Variants in PPP2R2B observed in about 807,000 individuals in gnomAD.
The protein encoded by PPP2R2B is serine/threonine-protein phosphatase 2A 55 kDa regulatory subunit B beta isoform.
A neutral mutation model predicts 46.0 loss-of-function variants in PPP2R2B; 5 were observed. The observed-to-expected ratio is 0.11, with a 90% CI of 0.06 to 0.23. The LOEUF (loss-of-function observed/expected upper bound fraction) is 0.23, where lower values mean the gene tolerates loss of function less well. Ranked by LOEUF, PPP2R2B falls within the 10% of genes least tolerant of loss-of-function variation. The pLI is 1.00. For synonymous variants in PPP2R2B, 215 were observed against 206.7 expected (o/e 1.04, Z -0.34); for missense variants, 367 against 575.0 (o/e 0.64, Z 3.70).
chr5:146,774,158 G>A (rs1405851864), intron 2 of PPP2R2B, among the ~76,000 whole-genome samples: 1 of 152,112 alleles, frequency 6.6e-6, no homozygotes, highest in Non-Finnish European at 1.5e-5. Flanking sequence ...TAACTGCTTT[G>A]TGTTTTAGTT....
intron 1 of PPP2R2B, among the ~76,000 whole-genome samples, chr5:147,005,553 C>T (rs182197997): frequency 1.5e-4 from 23 of 152,070 alleles, no homozygotes; most frequent in East Asian, 1.4e-3. Flanking sequence ...TTGCAAAAAC[C>T]CAAGGAGGTG....
intron 1 of PPP2R2B, among the ~76,000 whole-genome samples, chr5:146,955,825 C>T (rs1751873604): frequency 7.0e-6 from 1 of 142,702 alleles, no homozygotes; most frequent in Non-Finnish European, 1.5e-5. Context: ...GTCACCCAGG[C>T]AGGAGTGCAG....
At chr5:146,764,372 G>A (rs1370079325) in intron 2 of PPP2R2B, among the ~76,000 whole-genome samples, 11 of 152,210 alleles carry the variant, frequency 7.2e-5, no homozygotes, top group African/African-American at 2.7e-4. Context: ...TGGAATGAAA[G>A]TTATTATTTC....
chr5:146,854,227 A>T (rs2446369), intron 2 of PPP2R2B, among the ~76,000 whole-genome samples: 73,232 of 151,922 alleles, frequency 0.48, 19,266 homozygotes, highest in East Asian at 0.72. Flanking sequence ...GAGCCCTACA[A>T]GGCTTCATGT....
chr5:146,958,763 T>C (rs1173044927), intron 1 of PPP2R2B, among the ~76,000 whole-genome samples: 2 of 152,232 alleles, frequency 1.3e-5, no homozygotes, highest in Non-Finnish European at 2.9e-5. Flanking sequence ...CTGCCCTCTT[T>C]CCTTCAGATC....
chr5:146,777,742 A>G (rs915512290), intron 2 of PPP2R2B, among the ~76,000 whole-genome samples: 1 of 152,192 alleles, frequency 6.6e-6, no homozygotes, highest in Non-Finnish European at 1.5e-5. Flanking sequence ...TCTATGCACA[A>G]TTGAGAAAAG....
upstream of PPP2R2B, among the ~76,000 whole-genome samples, chr5:146,880,450 T>C (rs1487650547): frequency 6.6e-6 from 1 of 152,192 alleles, no homozygotes; most frequent in East Asian, 1.9e-4. Flanking sequence ...CTTTTGTAGT[T>C]ACACATTGCA....
chr5:146,794,799 T>C (rs1756420915), intron 2 of PPP2R2B, among the ~76,000 whole-genome samples: 1 of 152,204 alleles, frequency 6.6e-6, no homozygotes, highest in Non-Finnish European at 1.5e-5. Flanking sequence ...TTTAGTGATA[T>C]GACTAATCAT....
rs1491406263 is a variant in PPP2R2B at position 146,903,392 on chromosome 5, T to TC, written c.79+152272_79+152273insG. ...TCTTTTCTTTCTTGCTTTCTTTCTCTTTTTTTTTTTTTTTTTTTTTAGAGA... is the reference window on the plus strand; with the variant it reads ...TCTTTTCTTTCTTGCTTTCTTTCTCTCTTTTTTTTTTTTTTTTTTTTAGAGA... On this transcript the variant is annotated intron_variant, in intron 1 of 8. Transcript: ENST00000336640. Among the ~76,000 whole-genome samples the TC allele has an allele frequency of 6.5e-3, 255 of 39,262 alleles. 1 individual carries two copies. The highest frequency in any genetic ancestry group is 0.054 in the African/African-American group (241 of 4,472). The allele number at this position is 39,262 out of a possible 152,430, so 25.8% of individuals were successfully genotyped here.
At chr5:146,991,629 A>G (rs1753702892) in intron 1 of PPP2R2B, among the ~76,000 whole-genome samples, 1 of 152,172 alleles carries the variant, frequency 6.6e-6, no homozygotes, top group African/African-American at 2.4e-5. Context: ...TGGATATAAT[A>G]CTTTACACCA....
intron 1 of PPP2R2B, among the ~76,000 whole-genome samples, chr5:146,924,984 A>G (rs186612145): frequency 1.3e-5 from 2 of 152,258 alleles, no homozygotes; most frequent in East Asian, 1.9e-4. Context: ...TTAATGTATC[A>G]TGATCTTCTT....
intron 2 of PPP2R2B, among the ~76,000 whole-genome samples, chr5:146,710,026 C>T (rs1279181657): frequency 6.6e-6 from 1 of 152,186 alleles, no homozygotes; most frequent in Non-Finnish European, 1.5e-5. Context: ...TACTCTACCA[C>T]ACAACCAATT....
chr5:146,885,371 C>A (rs1762289203), intron 1 of PPP2R2B, among the ~76,000 whole-genome samples: 1 of 152,158 alleles, frequency 6.6e-6, no homozygotes, highest in Non-Finnish European at 1.5e-5. Flanking sequence ...GTTTAGGTCA[C>A]AACAGAATCA....
At chr5:146,840,247 A>T (rs2151368146) in intron 2 of PPP2R2B, among the ~76,000 whole-genome samples, 1 of 149,728 alleles carries the variant, frequency 6.7e-6, no homozygotes, top group African/African-American at 2.4e-5. Flanking sequence ...CAAACATTTA[A>T]TTGAGTGACT....
intron 1 of PPP2R2B, among the ~76,000 whole-genome samples, chr5:146,962,814 G>A (rs998006867): frequency 2.0e-5 from 3 of 152,120 alleles, no homozygotes; most frequent in African/African-American, 7.2e-5. Context: ...TAGTGGCAGA[G>A]CTGGGACTCT....
chr5:147,014,135 A>G (rs1754879106), intron 1 of PPP2R2B, among the ~76,000 whole-genome samples: 1 of 127,614 alleles, frequency 7.8e-6, no homozygotes, highest in East Asian at 2.2e-4. Flanking sequence ...ACATGAAAAA[A>G]TGCTCATCAT....
chr5:146,836,145 G>A (rs160971), intron 2 of PPP2R2B, among the ~76,000 whole-genome samples: 19,064 of 152,130 alleles, frequency 0.13, 1,367 homozygotes, highest in African/African-American at 0.19. Context: ...GGTCTTCAGA[G>A]TAATTCTGCC....
rs879857110 is a variant in PPP2R2B at position 147,029,884 on chromosome 5, AG to A, written c.79+25780del. Among the ~76,000 whole-genome samples the A allele has an allele frequency of 3.4e-3, 517 of 152,340 alleles. 1 individual carries two copies. Among genetic ancestry groups the A allele is most frequent in the Admixed American group, 5.2e-3 (80 of 15,302 alleles). ...TAAGAAAATCAATCTCTATTGTTGA[AG>A]CTACCCAGTCTCTGATATTCTGTTA... On this transcript the variant is annotated intron_variant, in intron 1 of 8. Transcript: ENST00000336640.
At chr5:146,887,241 A>G (rs1293124060) in intron 1 of PPP2R2B, among the ~76,000 whole-genome samples, 1 of 152,068 alleles carries the variant, frequency 6.6e-6, no homozygotes, top group African/African-American at 2.4e-5. Context: ...ACACTAAAAG[A>G]CCTCTCAAAT....
Sources: gnomAD v4.1 joint callset for allele counts (sites outside exome capture counted in the v4.1 genomes callset) on GRCh38, gnomAD v4.1.1 for gene constraint, MANE v1.5 for transcripts, NCBI Gene and HGNC (gene_info 2026-07-23, HGNC 2026-07-21) for gene names.